The following SLBP variants were observed in gnomAD, a reference collection of about 807,000 sequenced individuals.
SLBP encodes stem-loop histone mRNA binding protein, also known as histone RNA hairpin-binding protein.
Under a neutral mutation model 39.2 loss-of-function variants are expected in SLBP, and 29 were observed. The observed-to-expected ratio is 0.74, with a 90% CI of 0.55 to 1.01. The LOEUF is 1.01. Ranked by LOEUF, SLBP falls within the 50% of genes least tolerant of loss-of-function variation. SLBP has a pLI of 0.00. For synonymous variants in SLBP, 129 were observed against 118.7 expected (o/e 1.09, Z -0.57); for missense variants, 390 against 350.2 (o/e 1.11, Z -0.91).
rs533610834 is a variant in SLBP at position 1,708,781 on chromosome 4, C to T, written c.176+3093G>A. On this transcript the variant is annotated intron_variant, in intron 2 of 7. Transcript: ENST00000489418. ...TCCAAAGAGTACTTCTAGATCTTATCCATCAACGAGCTGGCTCTATTTGTC... is the reference window on the plus strand; with the variant it reads ...TCCAAAGAGTACTTCTAGATCTTATTCATCAACGAGCTGGCTCTATTTGTC... Among the ~76,000 whole-genome samples, 40 of 152,336 alleles carry T rather than the reference C, an allele frequency of 2.6e-4. No individual in the cohort carries two copies. The East Asian group carries it at 2.7e-3, about 10-fold the overall frequency.
At chr4:1,709,030 G>A (rs1334926494) in intron 2 of SLBP, among the ~76,000 whole-genome samples, 1 of 151,354 alleles carries the variant, frequency 6.6e-6, no homozygotes, top group African/African-American at 2.4e-5. Context: ...TGGACCTAGG[G>A]CCTCTTCTGT....
At chr4:1,700,229 T>TGACCACC in intron 3 of SLBP, 159 bp from the exon 4 acceptor site, 1 of 430,962 alleles carries the variant, frequency 2.3e-6, no homozygotes, top group Admixed American at 4.3e-5. Context: ...GTTTAAGTAG[T>TGACCACC]GAGATCCACA....
chr4:1,693,771 C>A, intron 7 of SLBP, 58 bp from the exon 8 acceptor site: 2 of 991,434 alleles, frequency 2.0e-6, no homozygotes, highest in East Asian at 4.8e-5. Context: ...ACAGGGGCCC[C>A]TTCCTACACC....
chr4:1,699,476 G>A lies in SLBP; in HGVS notation c.479+88C>T, dbSNP rs1039000394. ...TCTTAGCAGGTGTGAACTATCCCCA[G>A]CATCATTTGTACTACCCAATCTAAG... On this transcript the variant is annotated intron_variant, in intron 5 of 7. Coordinates refer to ENST00000489418, the MANE Select transcript of SLBP (RefSeq NM_006527.4). The A allele has an allele frequency of 3.9e-6, 5 of 1,288,300 alleles. No individual in the cohort carries two copies. The African/African-American group carries it at 7.2e-5, about 19-fold the overall frequency. The allele number at this position is 1,288,300 out of a possible 1,614,324, so 79.8% of individuals were successfully genotyped here. A position where few individuals can be genotyped will look rare whatever the true frequency, so the allele number is the denominator to read the frequency against.
At chr4:1,706,637 G>A (rs532378620) in intron 2 of SLBP, among the ~76,000 whole-genome samples, 32 of 151,968 alleles carry the variant, frequency 2.1e-4, no homozygotes, top group Middle Eastern at 3.4e-3. Flanking sequence ...GAAACCCAGC[G>A]TCTACCAAAA....
intron 3 of SLBP, 89 bp downstream of exon 3, chr4:1,703,502 CCTTTG>C: frequency 1.2e-6 from 1 of 836,008 alleles, no homozygotes; most frequent in South Asian, 1.4e-5. Context: ...GGAGCCCAGA[CCTTTG>C]AAAACCACTG....
chr4:1,693,620 T>A lies in SLBP; in HGVS notation c.790A>T (p.Arg264Ter), dbSNP rs777802999. Residue 264 changes from arginine to a stop codon, truncating the protein, a stop_gained, in exon 8 of 8, where the codon AGA becomes TGA. Transcript: ENST00000489418. LOFTEE classifies it high-confidence loss of function. ...AGTTAGCTCATGGCTGAGAAGTCTCTCAAGGGTTCAGTTAAACAAGCTTCC... is the reference window on the plus strand; with the variant it reads ...AGTTAGCTCATGGCTGAGAAGTCTCACAAGGGTTCAGTTAAACAAGCTTCC... ...DLEACLTEPL[R>*]DFSAMS 6.2e-7 allele frequency: 1 copy of A among 1,612,972 alleles called. No homozygotes were observed.
intron 2 of SLBP, among the ~76,000 whole-genome samples, chr4:1,710,571 T>A (rs934997390): frequency 6.6e-6 from 1 of 152,178 alleles, no homozygotes; most frequent in South Asian, 2.1e-4. Flanking sequence ...GGCTTCAATA[T>A]TTAAAAGAGA....
intron 5 of SLBP, among the ~76,000 whole-genome samples, chr4:1,697,548 A>G (rs115617439): frequency 0.017 from 2,506 of 151,582 alleles, 89 homozygotes; most frequent in African/African-American, 0.057. Context: ...AAAATTAAAA[A>G]GCACTATCCG....
At chr4:1,702,762 T>C (rs1203882415) in intron 3 of SLBP, among the ~76,000 whole-genome samples, 2 of 152,208 alleles carry the variant, frequency 1.3e-5, no homozygotes, top group Admixed American at 6.5e-5. Flanking sequence ...AACAATCTTG[T>C]GTGCAACTGC....
intron 5 of SLBP, among the ~76,000 whole-genome samples, chr4:1,696,789 T>C (rs1403992467): frequency 2.0e-5 from 3 of 150,992 alleles, no homozygotes; most frequent in Non-Finnish European, 4.4e-5. Context: ...TCCTAGCTAT[T>C]AGGGGGCTGA....
intron 3 of SLBP, among the ~76,000 whole-genome samples, chr4:1,701,822 G>A (rs1397209161): frequency 3.3e-5 from 5 of 152,108 alleles, no homozygotes; most frequent in African/African-American, 7.2e-5. Flanking sequence ...CAGGAGAATC[G>A]CTTGAACCTA....
chr4:1,704,202 G>A (rs758006193), intron 2 of SLBP, among the ~76,000 whole-genome samples: 3 of 152,110 alleles, frequency 2.0e-5, no homozygotes, highest in Non-Finnish European at 2.9e-5. Context: ...AACTTATTTC[G>A]TTCATCTCTG....
intron 2 of SLBP, among the ~76,000 whole-genome samples, chr4:1,708,057 C>A (rs574183291): frequency 2.8e-5 from 4 of 140,444 alleles, no homozygotes; most frequent in Non-Finnish European, 6.0e-5. Flanking sequence ...CCAGCCTGGG[C>A]GACAGAGCAA....
At chr4:1,707,247 A>G (rs58850638) in intron 2 of SLBP, among the ~76,000 whole-genome samples, 760 of 27,518 alleles carry the variant, frequency 0.028, no homozygotes, top group East Asian at 0.17. Flanking sequence ...AAAAAAAAAA[A>G]AAAAAAAAAA....
chr4:1,708,549 G>GT (rs1472626887), intron 2 of SLBP, among the ~76,000 whole-genome samples: 1 of 152,308 alleles, frequency 6.6e-6, no homozygotes, highest in East Asian at 1.9e-4. Context: ...CCTCACTAGT[G>GT]TATCAAGAGG....
In SLBP at chr4:1,699,545, G is replaced by A; in HGVS notation, c.479+19C>T. On this transcript the variant is annotated intron_variant, in intron 5 of 7. Transcript: ENST00000489418. ...ATGCCACACAGCTTGTTCAAGACAT[G>A]CCACTGAAACAAGACTACCTTGGGA... 1 of 1,613,110 alleles carries A rather than the reference G, an allele frequency of 6.2e-7. No individual in the cohort carries two copies. Among genetic ancestry groups the A allele is most frequent in the Non-Finnish European group, 8.5e-7 (1 of 1,179,234 alleles).
chr4:1,712,063 C>G (rs1190522361), intron 1 of SLBP, 67 bp downstream of exon 1: 1 of 1,235,702 alleles, frequency 8.1e-7, no homozygotes, highest in Non-Finnish European at 1.0e-6. Context: ...CTCCCACACC[C>G]CGGCCCCGCA....
At chr4:1,702,409 A>G (rs1305326169) in intron 3 of SLBP, among the ~76,000 whole-genome samples, 2 of 152,198 alleles carry the variant, frequency 1.3e-5, no homozygotes, top group Non-Finnish European at 2.9e-5. Context: ...TCCCTTTTCA[A>G]AGGAGGCTGA....
Sources: gnomAD v4.1 joint callset for allele counts (sites outside exome capture counted in the v4.1 genomes callset) on GRCh38, gnomAD v4.1.1 for gene constraint, MANE v1.5 for transcripts, NCBI Gene and HGNC (gene_info 2026-07-23, HGNC 2026-07-21) for gene names.